Variants in DNM2 observed in about 807,000 individuals in gnomAD.
DNM2 encodes the protein dynamin 2.
DNM2 carries 15 observed loss-of-function variants against 99.0 expected under a neutral mutation model. The ratio of observed to expected loss-of-function variants is 0.15; its 90% CI spans 0.10 to 0.23. The LOEUF (loss-of-function observed/expected upper bound fraction) is 0.23, where lower values mean the gene tolerates loss of function less well. Among genes scored for constraint, DNM2 ranks in the 10% least tolerant of loss-of-function variants. The pLI, the probability that DNM2 is intolerant of heterozygous loss-of-function variation, is 1.00. For missense variants in DNM2, 742 were observed against 1,189.4 expected, an observed-to-expected ratio of 0.62 and a Z score of 5.53; for synonymous variants, 525 against 481.2, an observed-to-expected ratio of 1.09 and a Z score of -1.19.
At chr19:10,724,056 C>G (rs1360095727) in intron 1 of DNM2, among the ~76,000 whole-genome samples, 1 of 150,334 alleles carries the variant, frequency 6.7e-6, no homozygotes, top group East Asian at 2.0e-4. Context: ...TGCCTTCCAG[C>G]CTGGGCGGAA....
chr19:10,718,883 C>T (rs2068842381), intron 1 of DNM2, among the ~76,000 whole-genome samples: 1 of 152,178 alleles, frequency 6.6e-6, no homozygotes, highest in Admixed American at 6.5e-5. Context: ...GCAAGCCTCC[C>T]TGCCACCACC....
chr19:10,740,295 G>A (rs569814849), intron 1 of DNM2, among the ~76,000 whole-genome samples: 1 of 151,574 alleles, frequency 6.6e-6, no homozygotes, highest in South Asian at 2.1e-4. Flanking sequence ...TTTTCTCTTT[G>A]GATTTGGTTT....
chr19:10,808,249 C>G (rs1169413059), intron 13 of DNM2, among the ~76,000 whole-genome samples: 2 of 152,184 alleles, frequency 1.3e-5, no homozygotes, highest in Non-Finnish European at 2.9e-5. Context: ...GGGGACTCCA[C>G]CATGTACCTT....
rs372016433 is a variant in DNM2 at position 10,830,928 on chromosome 19, C to T, written c.2544-50C>T. On this transcript the variant is annotated intron_variant, in intron 20 of 20. Coordinates refer to ENST00000389253, the MANE Select transcript of DNM2 (RefSeq NM_001005361.3). This position sits in a 1 kb window ranked among gnomAD's most constrained non-coding sequence, Gnocchi z 4.8. ...TCAACCCAGGCCTGCCTCTTGCTCC[C>T]GGCCTCACTGCCGTCTCCCCCTCCC... 1.7e-4 allele frequency: 270 copies of T among 1,576,102 alleles called. 2 individuals carry two copies. In the African/African-American group the frequency reaches 3.0e-3, roughly 17 times the overall value.
At chr19:10,743,638 G>A (rs1016960423) in intron 1 of DNM2, among the ~76,000 whole-genome samples, 1 of 151,520 alleles carries the variant, frequency 6.6e-6, no homozygotes, top group Admixed American at 6.6e-5. Context: ...GTAAAACTCC[G>A]TCTCTACTAA....
At chr19:10,736,830 A>C (rs1164698680) in intron 1 of DNM2, among the ~76,000 whole-genome samples, 1 of 152,128 alleles carries the variant, frequency 6.6e-6, no homozygotes, top group Non-Finnish European at 1.5e-5. Context: ...TTCTCCCTGC[A>C]GTGGACAGAG....
intron 2 of DNM2, among the ~76,000 whole-genome samples, chr19:10,769,063 T>C (rs2070892623): frequency 6.6e-6 from 1 of 152,142 alleles, no homozygotes; most frequent in Non-Finnish European, 1.5e-5. Flanking sequence ...GGGGGAACGA[T>C]GGCGCCCACT....
chr19:10,830,850 C>G lies in DNM2; in HGVS notation c.2544-128C>G, dbSNP rs575857967. 1 of 1,176,836 alleles carries G rather than the reference C, an allele frequency of 8.5e-7. No homozygotes were observed. Among genetic ancestry groups the G allele is most frequent in the Non-Finnish European group, 1.2e-6 (1 of 854,226 alleles). 72.9% of individuals were successfully genotyped at this position (1,176,836 alleles called of 1,614,324 possible). A position where few individuals can be genotyped will look rare whatever the true frequency, so the allele number is the denominator to read the frequency against. ...TCCTGCCCGACACCCTGGTGGCTTG[C>G]GGAGGTCAGCCTGGGAACACCCTGG... On this transcript the variant is annotated intron_variant, in intron 20 of 20. Coordinates refer to ENST00000389253, the MANE Select transcript of DNM2 (RefSeq NM_001005361.3). The surrounding 1 kb of genome is among the most constrained non-coding windows in gnomAD (Gnocchi z 4.8).
intron 1 of DNM2, among the ~76,000 whole-genome samples, chr19:10,720,796 A>G (rs2068913529): frequency 2.0e-5 from 3 of 152,174 alleles, no homozygotes; most frequent in Admixed American, 2.0e-4. Flanking sequence ...GTCTACATGG[A>G]TGGGGCTATT....
intron 1 of DNM2, among the ~76,000 whole-genome samples, chr19:10,730,478 CAA>C (rs560450347): frequency 7.0e-6 from 1 of 142,622 alleles, no homozygotes; most frequent in African/African-American, 2.6e-5. Flanking sequence ...GACCCTGTCT[CAA>C]AAAAAAAAAA....
At chr19:10,801,908 GAA>G (rs34959391) in intron 11 of DNM2, among the ~76,000 whole-genome samples, 7,944 of 101,016 alleles carry the variant, frequency 0.079, 285 homozygotes, top group Non-Finnish European at 0.11. Flanking sequence ...CCGTCTCGAA[GAA>G]AAAAAAAAAA....
chr19:10,817,238 C>T lies in DNM2; in HGVS notation c.1672-2742C>T, dbSNP rs2072776704. The stretch of plus-strand genomic sequence containing the variant: ...GGTGGGGATGGCAGACTGATAGGGC[C>T]AGGGCCTCCAACCCCTCGGCCGGCC... On this transcript the variant is annotated intron_variant, in intron 15 of 20. Coordinates refer to ENST00000389253, the MANE Select transcript of DNM2 (RefSeq NM_001005361.3). This position sits in a 1 kb window ranked among gnomAD's most constrained non-coding sequence, Gnocchi z 4.6. Among the ~76,000 whole-genome samples, 1 of 152,190 alleles carries T rather than the reference C, an allele frequency of 6.6e-6. No homozygotes were observed. The highest frequency in any genetic ancestry group is 2.1e-4 in the South Asian group (1 of 4,832).
intron 1 of DNM2, among the ~76,000 whole-genome samples, chr19:10,721,498 A>G (rs1032967150): frequency 1.3e-5 from 2 of 152,158 alleles, no homozygotes; most frequent in African/African-American, 4.8e-5. Flanking sequence ...CCAAAGTTGT[A>G]AAAAGGCCTC....
intron 1 of DNM2, among the ~76,000 whole-genome samples, chr19:10,737,816 C>A (rs972736950): frequency 1.5e-4 from 23 of 152,310 alleles, no homozygotes; most frequent in South Asian, 6.2e-4. Context: ...TGTCTCCCCC[C>A]ACTAGAAGGG....
chr19:10,798,632 C>G (rs1419359622), intron 11 of DNM2, 60 bp downstream of exon 11: 22 of 1,593,712 alleles, frequency 1.4e-5, no homozygotes, highest in Admixed American at 5.0e-5. Context: ...GTCAAGTGTA[C>G]TGTTCTGTGC....
At chr19:10,823,192 G>T (rs2073036091) in intron 16 of DNM2, 1 of 151,928 alleles carries the variant, frequency 6.6e-6, no homozygotes, top group African/African-American at 2.4e-5. Context: ...ATCAGCTGAG[G>T]TCAGGAGTTC....
rs185048162 is a variant in DNM2, at chr19:10,739,432, G to C, written c.162-20306G>C. On this transcript the variant is annotated intron_variant, in intron 1 of 20. Transcript: ENST00000389253. ...TATGAAGCAGTTCCTCCCTCCCCCA[G>C]CACCTGGAAGCCACTAATGTCCTTT... is the stretch of plus-strand genomic sequence containing the variant. Among the ~76,000 whole-genome samples, 218 of 152,220 alleles carry C rather than the reference G, an allele frequency of 1.4e-3. 1 individual carries two copies. The highest frequency in any genetic ancestry group is 0.012 in the Admixed American group (184 of 15,278).
intron 5 of DNM2, chr19:10,781,540 T>G (rs559804932): frequency 3.3e-5 from 5 of 152,316 alleles, no homozygotes; most frequent in African/African-American, 1.2e-4. Flanking sequence ...TCCAGCACTT[T>G]GGGAGGCCAT....
chr19:10,777,047 T>C, intron 4 of DNM2, 71 bp from the exon 5 acceptor site: 1 of 1,509,454 alleles, frequency 6.6e-7, no homozygotes, highest in Non-Finnish European at 9.2e-7. Flanking sequence ...GGACCCCAGG[T>C]GGCTTGCAGC....
Sources: allele counts gnomAD v4.1 joint callset (sites outside exome capture counted in the v4.1 genomes callset), GRCh38; gene constraint gnomAD v4.1.1; non-coding constraint Gnocchi (gnomAD v3.1); transcripts MANE v1.5; gene names NCBI Gene and HGNC (gene_info 2026-07-23, HGNC 2026-07-21).